COL5A2: variants seen among roughly 807,000 people sequenced by gnomAD.
The protein encoded by COL5A2 is collagen type V alpha 2 chain.
Under a neutral mutation model 208.2 loss-of-function variants are expected in COL5A2, and 23 were observed. The observed-to-expected ratio is 0.11, with a 90% CI of 0.08 to 0.16. The LOEUF (loss-of-function observed/expected upper bound fraction) is 0.16, where lower values mean the gene tolerates loss of function less well. Ranked by LOEUF, COL5A2 falls within the 10% of genes least tolerant of loss-of-function variation. The pLI is 1.00. For synonymous variants in COL5A2, 625 were observed against 628.5 expected, an observed-to-expected ratio of 0.99 and a Z score of 0.08; for missense variants, 1,590 against 1,956.4, an observed-to-expected ratio of 0.81 and a Z score of 3.53.
rs993424689 is a variant in COL5A2, at chr2:189,149,350, T to C, written c.97+30158A>G. Among the ~76,000 whole-genome samples the C allele has an allele frequency of 7.9e-5, 12 of 152,294 alleles. No homozygotes were observed. In the East Asian group the frequency reaches 2.1e-3, roughly 27 times the overall value. On this transcript the variant is annotated intron_variant, in intron 1 of 53. Coordinates refer to ENST00000374866, the MANE Select transcript of COL5A2 (RefSeq NM_000393.5). ...GTTTTAGAAAGTGAAATAAATGAAG[T>C]AATACTTGCTGATTAATAATATTGG...
intron 1 of COL5A2, among the ~76,000 whole-genome samples, chr2:189,123,625 C>T (rs1163919810): frequency 2.6e-5 from 4 of 152,054 alleles, no homozygotes; most frequent in South Asian, 4.2e-4. Context: ...GTCTAGACAT[C>T]GAATGAAATA....
intron 1 of COL5A2, among the ~76,000 whole-genome samples, chr2:189,152,518 C>A (rs1360780184): frequency 1.3e-5 from 2 of 152,220 alleles, no homozygotes; most frequent in Non-Finnish European, 2.9e-5. Flanking sequence ...CCAGAGAATT[C>A]ACAGTGGAAC....
chr2:189,200,137 G>A (rs548303790), intron 1 of COL5A2, among the ~76,000 whole-genome samples: 3 of 152,208 alleles, frequency 2.0e-5, no homozygotes, highest in East Asian at 1.9e-4. Flanking sequence ...GGTAATAAAG[G>A]CAGGCCCTGG....
At chr2:189,073,761 AGCACATGTATAATAAGTT>A (rs1474509882) in intron 17 of COL5A2, among the ~76,000 whole-genome samples, 9 of 152,300 alleles carry the variant, frequency 5.9e-5, no homozygotes, top group African/African-American at 2.2e-4. Flanking sequence ...TGATGGGAAA[AGCACATGTATAATAAGTT>A]GCTCTAAAGT....
At chr2:189,075,205 A>G (rs1239237589) in intron 17 of COL5A2, among the ~76,000 whole-genome samples, 188 bp downstream of exon 17, 1 of 152,198 alleles carries the variant, frequency 6.6e-6, no homozygotes, top group African/African-American at 2.4e-5. Context: ...GTTAACAATT[A>G]TGTTATACAA....
upstream of COL5A2, among the ~76,000 whole-genome samples, chr2:189,230,024 A>G (rs112237427): frequency 2.0e-4 from 31 of 151,966 alleles, 1 homozygote; most frequent in African/African-American, 7.5e-4. Context: ...ACCCCAAAAT[A>G]ACATTAGACA....
chr2:189,306,499 G>C, the COL5A2 span, among the ~76,000 whole-genome samples: 1 of 152,074 alleles, frequency 6.6e-6, no homozygotes. Context: ...GCATTTTTAG[G>C]AATGCTGTCA....
rs1197269456 is a variant in COL5A2 at position 189,033,402 on chromosome 2, G to A, written c.*668C>T. ...GTCTTTTACAAAAATTTAAGAAGTCGAAGTAAATTCACTTTGTTCTCCAAA... is the reference window on the plus strand; with the variant it reads ...GTCTTTTACAAAAATTTAAGAAGTCAAAGTAAATTCACTTTGTTCTCCAAA... On this transcript the variant is annotated 3_prime_UTR_variant, in exon 54 of 54. Coordinates refer to ENST00000374866, the MANE Select transcript of COL5A2 (RefSeq NM_000393.5). 3 of 152,192 alleles carry A rather than the reference G, an allele frequency of 2.0e-5. No homozygotes were observed. Among genetic ancestry groups the A allele is most frequent in the East Asian group, 1.9e-4 (1 of 5,160 alleles). The allele number at this position is 152,192 out of a possible 1,614,324, so 9.4% of individuals were successfully genotyped here.
chr2:189,064,300 T>C (rs1175255734), intron 25 of COL5A2, among the ~76,000 whole-genome samples: 1 of 152,048 alleles, frequency 6.6e-6, no homozygotes, highest in Admixed American at 6.6e-5. Context: ...CAAACAGGAT[T>C]TTTTTCTCAT....
the COL5A2 span, among the ~76,000 whole-genome samples, chr2:189,243,010 G>A: frequency 2.6e-5 from 4 of 152,260 alleles, no homozygotes; most frequent in South Asian, 8.3e-4. Context: ...TGATGGGTTG[G>A]ATGGAGGAGT....
At chr2:189,251,565 C>T in the COL5A2 span, among the ~76,000 whole-genome samples, 1 of 152,008 alleles carries the variant, frequency 6.6e-6, no homozygotes, top group Non-Finnish European at 1.5e-5. Flanking sequence ...GCCTCCTAAC[C>T]TGTCATCCAA....
chr2:189,100,096 C>T lies in COL5A2; in HGVS notation c.369+11G>A. 6.2e-7 allele frequency: 1 copy of T among 1,601,908 alleles called. No individual in the cohort carries two copies. The highest frequency in any genetic ancestry group is 8.6e-7 in the Non-Finnish European group (1 of 1,169,212). On this transcript the variant is annotated intron_variant, in intron 4 of 53. Transcript: ENST00000374866. ...AAGGTACAAGGAAACAATGATTATA[C>T]ATATACTTACAACAGGCACTAATCC...
Position 189,203,718 on chromosome 2 carries a change from T to C in COL5A2, c.-42+21430A>G, listed in dbSNP as rs2090295. Among the ~76,000 whole-genome samples the C allele has an allele frequency of 9.5e-3, 1,449 of 152,308 alleles. 66 individuals carry two copies. Among genetic ancestry groups the C allele is most frequent in the Admixed American group, 0.071 (1,080 of 15,294 alleles). On this transcript the variant is annotated intron_variant, in intron 1 of 10. Transcript: ENST00000649966. ...AACTCCAGAGGAACTGGTGACTCTTTAGCCTAAAAGAGACTTAATTAAATG... is the reference window on the plus strand; with the variant it reads ...AACTCCAGAGGAACTGGTGACTCTTCAGCCTAAAAGAGACTTAATTAAATG...
the COL5A2 span, among the ~76,000 whole-genome samples, chr2:189,253,214 A>G: frequency 6.6e-6 from 1 of 152,228 alleles, no homozygotes; most frequent in Non-Finnish European, 1.5e-5. Flanking sequence ...GCTATTACCA[A>G]TAAGGTCAGA....
chr2:189,139,462 C>T (rs927178127), intron 1 of COL5A2, among the ~76,000 whole-genome samples: 1 of 151,914 alleles, frequency 6.6e-6, no homozygotes, highest in Non-Finnish European at 1.5e-5. Flanking sequence ...CCTGAAAAAT[C>T]GTCAAAATCC....
At chr2:189,198,049 C>A (rs1689028574) in intron 1 of COL5A2, among the ~76,000 whole-genome samples, 1 of 152,010 alleles carries the variant, frequency 6.6e-6, no homozygotes, top group South Asian at 2.1e-4. Context: ...CGGGGTTTCA[C>A]CATGTTAGCC....
chr2:189,309,854 T>G, the COL5A2 span, among the ~76,000 whole-genome samples: 1 of 152,220 alleles, frequency 6.6e-6, no homozygotes, highest in African/African-American at 2.4e-5. Flanking sequence ...AAAGCATGTT[T>G]AAGTTTGCAA....
intron 1 of COL5A2, among the ~76,000 whole-genome samples, chr2:189,201,539 A>G (rs191510373): frequency 9.2e-5 from 14 of 152,142 alleles, no homozygotes; most frequent in African/African-American, 3.4e-4. Flanking sequence ...AAGAAAATGG[A>G]AAAGAGATAT....
chr2:189,064,785 TA>T, intron 24 of COL5A2, 130 bp from the exon 25 acceptor site: 1 of 845,520 alleles, frequency 1.2e-6, no homozygotes, highest in South Asian at 1.4e-5. Context: ...ATATAACGTA[TA>T]AAATTTTGTC....
Sources: gnomAD v4.1 joint callset for allele counts (sites outside exome capture counted in the v4.1 genomes callset) on GRCh38, gnomAD v4.1.1 for gene constraint, MANE v1.5 for transcripts, NCBI Gene and HGNC (gene_info 2026-07-23, HGNC 2026-07-21) for gene names.